Variants in BSND observed in about 807,000 individuals in gnomAD.
The protein encoded by BSND is barttin.
In BSND, 13 loss-of-function variants were observed where a neutral mutation model predicts 18.8. That is an observed-to-expected ratio of 0.69 (90% CI 0.45 to 1.10). BSND has a LOEUF of 1.10. BSND is among the 50% of genes least tolerant of loss of function. The pLI, the probability that BSND is intolerant of heterozygous loss-of-function variation, is 0.00. For synonymous variants in BSND, 170 were observed against 161.8 expected (o/e 1.05, Z -0.39); for missense variants, 379 against 416.7 (o/e 0.91, Z 0.79).
Position 55,008,535 on chromosome 1 carries a change from G to A in BSND, c.870G>A (p.Lys290=), listed in dbSNP as rs887915316. The A allele has an allele frequency of 1.2e-6, 2 of 1,614,096 alleles. No homozygotes were observed. Among genetic ancestry groups the A allele is most frequent in the African/African-American group, 2.7e-5 (2 of 74,928 alleles). ...ASDTGGEEPE[K]EEEDLYYGLP... The stretch of plus-strand genomic sequence containing the variant: ...ACACAGGTGGGGAGGAACCTGAGAA[G>A]GAAGAGGAAGACCTGTACTATGGGC... Residue 290 remains lysine (K), a synonymous_variant, in exon 4 of 4, where the codon AAG becomes AAA. Transcript: ENST00000651561.
Position 55,008,330 on chromosome 1 carries a change from G to C in BSND, c.665G>C (p.Cys222Ser). 6.2e-7 allele frequency: 1 copy of C among 1,614,218 alleles called. No individual in the cohort carries two copies. Among genetic ancestry groups the C allele is most frequent in the Non-Finnish European group, 8.5e-7 (1 of 1,180,032 alleles). The change falls in exon 4 of 4, where the codon TGT becomes TCT. Residue 222 changes from cysteine to serine, a missense_variant. By Grantham distance (112) the Cys-to-Ser change is moderately radical. Coordinates refer to ENST00000651561, the MANE Select transcript of BSND (RefSeq NM_057176.3). ...TCTCCACATGACAGGGAGGAAGCTT[G>C]TTCCCCACAACAGGAACCTCAGGGC... Reference protein sequence around the residue: ...NASPHDREEACSPQQEPQGCR... With the variant: ...NASPHDREEASSPQQEPQGCR...
chr1:55,017,097 C>T lies in BSND; in HGVS notation c.*8469C>T, dbSNP rs1442038067. 1.3e-5 allele frequency among the ~76,000 whole-genome samples: 2 copies of T among 152,182 alleles called. No individual in the cohort carries two copies. The highest frequency in any genetic ancestry group is 2.9e-5 in the Non-Finnish European group (2 of 68,024). On this transcript the variant is annotated 3_prime_UTR_variant, in exon 4 of 4. Transcript: ENST00000651561. The stretch of plus-strand genomic sequence containing the variant: ...CTCTGTGAAGGCAAGGACTCTATTA[C>T]GTTCATTATTGTGCCCTCAGTGCTT...
rs1644448691 is a variant in BSND at position 55,016,025 on chromosome 1, G to C, written c.*7397G>C. ...AGAATAGGAGCGGAGGGTGGCTGGA[G>C]AAGACGTGGGTGAGTGAGTGACTGG... On this transcript the variant is annotated 3_prime_UTR_variant, in exon 4 of 4. Transcript: ENST00000651561. Among the ~76,000 whole-genome samples, 1 of 152,176 alleles carries C rather than the reference G, an allele frequency of 6.6e-6. No homozygotes were observed. The highest frequency in any genetic ancestry group is 1.5e-5 in the Non-Finnish European group (1 of 68,032).
Position 55,016,070 on chromosome 1 carries a change from T to G in BSND, c.*7442T>G, listed in dbSNP as rs573558043. On this transcript the variant is annotated 3_prime_UTR_variant, in exon 4 of 4. Coordinates refer to ENST00000651561, the MANE Select transcript of BSND (RefSeq NM_057176.3). ...GACTGGGGACTGGACCAGGGCGGGC[T>G]GTGGTTGTTGCCCTGGAGCACATGG... Among the ~76,000 whole-genome samples the G allele has an allele frequency of 1.3e-5, 2 of 152,284 alleles. No individual in the cohort carries two copies. Among genetic ancestry groups the G allele is most frequent in the South Asian group, 4.1e-4 (2 of 4,822 alleles).
At chr1:55,006,795 G>C (rs1361400701) in intron 2 of BSND, among the ~76,000 whole-genome samples, 1 of 152,174 alleles carries the variant, frequency 6.6e-6, no homozygotes, top group Non-Finnish European at 1.5e-5. Flanking sequence ...CAGACTTGGG[G>C]TCAGGCCTGA....
rs769271244 is a variant in BSND, at chr1:55,008,413, G to A, written c.748G>A (p.Glu250Lys). 1 of 1,614,222 alleles carries A rather than the reference G, an allele frequency of 6.2e-7. No individual in the cohort carries two copies. The highest frequency in any genetic ancestry group is 1.7e-5 in the Admixed American group (1 of 60,034). ...DFALIDAPTLEDEPQEGQQWE... is the reference protein window; with the variant it reads ...DFALIDAPTLKDEPQEGQQWE... ...TGCCCTGATTGATGCCCCAACGTTG[G>A]AGGATGAGCCCCAAGAGGGGCAGCA... The change falls in exon 4 of 4, where the codon GAG becomes AAG. Residue 250 changes from glutamate (E) to lysine (K), a missense_variant. Physicochemically the swap from Glu to Lys is moderately conservative, Grantham distance 56. Coordinates refer to ENST00000651561, the MANE Select transcript of BSND (RefSeq NM_057176.3).
chr1:55,008,206 C>A lies in BSND; in HGVS notation c.549-8C>A. ...ATACCCTTGCCCTTGTGGTCTTTGTCCCTGCAGCCCCCTGGCCTGTCCCCA... is the reference window on the plus strand; with the variant it reads ...ATACCCTTGCCCTTGTGGTCTTTGTACCTGCAGCCCCCTGGCCTGTCCCCA... On this transcript the variant is annotated splice_region_variant and splice_polypyrimidine_tract_variant and intron_variant, in intron 3 of 3. Transcript: ENST00000651561. 1.2e-6 allele frequency: 2 copies of A among 1,613,328 alleles called. No homozygotes were observed. Among genetic ancestry groups the A allele is most frequent in the Non-Finnish European group, 1.7e-6 (2 of 1,179,410 alleles).
chr1:55,015,372 G>C lies in BSND; in HGVS notation c.*6744G>C, dbSNP rs1184461148. Among the ~76,000 whole-genome samples, 3 of 152,170 alleles carry C rather than the reference G, an allele frequency of 2.0e-5. No homozygotes were observed. The highest frequency in any genetic ancestry group is 7.2e-5 in the African/African-American group (3 of 41,460). ...CCTGTGGCAGAGGCTGTTGCTTCCC[G>C]CCAAGACACCAGGGCCCTGGCCAAG... On this transcript the variant is annotated 3_prime_UTR_variant, in exon 4 of 4. Transcript: ENST00000651561.
In BSND at chr1:55,008,892, G is replaced by A. The variant is rs1371545063; in HGVS notation, c.*264G>A. The A allele has an allele frequency of 1.1e-5, 6 of 549,642 alleles. No individual in the cohort carries two copies. In the Admixed American group the frequency reaches 1.2e-4, roughly 11 times the overall value. The allele number at this position is 549,642 out of a possible 1,614,324, so 34.0% of individuals were successfully genotyped here. A position where few individuals can be genotyped will look rare whatever the true frequency, so the allele number is the denominator to read the frequency against. On this transcript the variant is annotated 3_prime_UTR_variant, in exon 4 of 4. Coordinates refer to ENST00000651561, the MANE Select transcript of BSND (RefSeq NM_057176.3). ...TTTGCAGCAGCTGAAGCCCTCAAAAGCATTTTCCACCTTCCCCCAAAGCTG... is the reference window on the plus strand; with the variant it reads ...TTTGCAGCAGCTGAAGCCCTCAAAAACATTTTCCACCTTCCCCCAAAGCTG...
At position 55,013,535 on chromosome 1, in the gene BSND, T is replaced by C. The variant is rs1221897123; in HGVS notation, c.*4907T>C. Among the ~76,000 whole-genome samples the C allele has an allele frequency of 6.6e-6, 1 of 152,086 alleles. No homozygotes were observed. The highest frequency in any genetic ancestry group is 2.4e-5 in the African/African-American group (1 of 41,370). ...TTTGCCCATCCTTGCGGAGAAGAGC[T>C]AAATGGAGGAGAGGAGGTAGAGCTG... On this transcript the variant is annotated 3_prime_UTR_variant, in exon 4 of 4. Coordinates refer to ENST00000651561, the MANE Select transcript of BSND (RefSeq NM_057176.3).
In BSND at chr1:55,010,841, G is replaced by A. The variant is rs963405625; in HGVS notation, c.*2213G>A. On this transcript the variant is annotated 3_prime_UTR_variant, in exon 4 of 4. Transcript: ENST00000651561. Reference sequence around the variant, plus strand: ...GCCTACAACCCACGTTAGAAACAGCGTCAGCACTAAGGGCTAAAATAAAAC... The same window carrying A: ...GCCTACAACCCACGTTAGAAACAGCATCAGCACTAAGGGCTAAAATAAAAC... The A allele has an allele frequency of 2.0e-5, 3 of 152,214 alleles. No homozygotes were observed. Among genetic ancestry groups the A allele is most frequent in the Admixed American group, 6.5e-5 (1 of 15,280 alleles). 9.4% of individuals were successfully genotyped at this position (152,214 alleles called of 1,614,324 possible).
Position 55,008,208 on chromosome 1 carries a change from C to T in BSND, c.549-6C>T, listed in dbSNP as rs1644401266. The T allele has an allele frequency of 6.2e-7, 1 of 1,613,704 alleles. No individual in the cohort carries two copies. Among genetic ancestry groups the T allele is most frequent in the Non-Finnish European group, 8.5e-7 (1 of 1,179,724 alleles). On this transcript the variant is annotated splice_region_variant and splice_polypyrimidine_tract_variant and intron_variant, in intron 3 of 3. Coordinates refer to ENST00000651561, the MANE Select transcript of BSND (RefSeq NM_057176.3). ...ACCCTTGCCCTTGTGGTCTTTGTCC[C>T]TGCAGCCCCCTGGCCTGTCCCCAGG...
In BSND at chr1:55,015,292, G is replaced by A. The variant is rs928708395; in HGVS notation, c.*6664G>A. 1.3e-5 allele frequency among the ~76,000 whole-genome samples: 2 copies of A among 152,174 alleles called. No homozygotes were observed. Among genetic ancestry groups the A allele is most frequent in the African/African-American group, 2.4e-5 (1 of 41,442 alleles). Reference sequence around the variant, plus strand: ...GGTCAGGACTGAAGCTTGCAGAGCCGGTGTCCTGGATTCCTCCTTGCTGAC... The same window carrying A: ...GGTCAGGACTGAAGCTTGCAGAGCCAGTGTCCTGGATTCCTCCTTGCTGAC... On this transcript the variant is annotated 3_prime_UTR_variant, in exon 4 of 4. Coordinates refer to ENST00000651561, the MANE Select transcript of BSND (RefSeq NM_057176.3).
rs115827305 is a variant in BSND, at chr1:55,003,828, G to A, written c.178-1194G>A. Among the ~76,000 whole-genome samples the A allele has an allele frequency of 9.5e-3, 1,419 of 150,038 alleles. 27 individuals carry two copies. The highest frequency in any genetic ancestry group is 0.034 in the African/African-American group (1,350 of 39,430). On this transcript the variant is annotated intron_variant, in intron 1 of 3. Coordinates refer to ENST00000651561, the MANE Select transcript of BSND (RefSeq NM_057176.3). The stretch of plus-strand genomic sequence containing the variant: ...TTCACAGCAACCTCAGGAGACTGGC[G>A]TAACTAGCCCCATTTTAAAACTCAT...
rs1252059727 is a variant in BSND, at chr1:55,008,612, C to T, written c.947C>T (p.Pro316Leu). 2.5e-6 allele frequency: 4 copies of T among 1,614,016 alleles called. No homozygotes were observed. Among genetic ancestry groups the T allele is most frequent in the Non-Finnish European group, 3.4e-6 (4 of 1,180,042 alleles). ...LLPDKELGFE[P>L]DTQG ...CCGGACAAGGAGCTGGGTTTTGAGC[C>T]TGACACCCAAGGCTGAGATGTTTGT... The change falls in exon 4 of 4, where the codon CCT (proline) becomes CTT (leucine). Residue 316 changes from proline to leucine, a missense_variant. Coordinates refer to ENST00000651561, the MANE Select transcript of BSND (RefSeq NM_057176.3).
rs1232362585 is a variant in BSND, at chr1:55,016,417, T to C, written c.*7789T>C. Among the ~76,000 whole-genome samples the C allele has an allele frequency of 6.6e-6, 1 of 152,246 alleles. No individual in the cohort carries two copies. Among genetic ancestry groups the C allele is most frequent in the African/African-American group, 2.4e-5 (1 of 41,468 alleles). ...CACTGGCATCATTTTGTAAAGATGA[T>C]GTAATAAAGATAATAATAGGTGGAG... On this transcript the variant is annotated 3_prime_UTR_variant, in exon 4 of 4. Coordinates refer to ENST00000651561, the MANE Select transcript of BSND (RefSeq NM_057176.3).
intron 1 of BSND, among the ~76,000 whole-genome samples, chr1:55,000,409 CCTCT>C (rs970539661): frequency 1.5e-4 from 22 of 151,608 alleles, no homozygotes; most frequent in African/African-American, 5.3e-4. Context: ...AAGCCCCTTT[CCTCT>C]CTGAGCCTCA....
Position 55,013,469 on chromosome 1 carries a change from A to C in BSND, c.*4841A>C, listed in dbSNP as rs1365795157. ...TGAGTCACTGCACCCAGCTGTCCCC[A>C]TTTTATAGATGAGGAACTGAGGCTC... On this transcript the variant is annotated 3_prime_UTR_variant, in exon 4 of 4. Transcript: ENST00000651561. Among the ~76,000 whole-genome samples, 1 of 152,064 alleles carries C rather than the reference A, an allele frequency of 6.6e-6. No individual in the cohort carries two copies. Among genetic ancestry groups the C allele is most frequent in the Non-Finnish European group, 1.5e-5 (1 of 67,994 alleles).
rs1228684057 is a variant in BSND, at chr1:55,010,847, A to G, written c.*2219A>G. The stretch of plus-strand genomic sequence containing the variant: ...AACCCACGTTAGAAACAGCGTCAGC[A>G]CTAAGGGCTAAAATAAAACTACTTT... On this transcript the variant is annotated 3_prime_UTR_variant, in exon 4 of 4. Transcript: ENST00000651561. 1 of 152,242 alleles carries G rather than the reference A, an allele frequency of 6.6e-6. No homozygotes were observed. Among genetic ancestry groups the G allele is most frequent in the Non-Finnish European group, 1.5e-5 (1 of 68,054 alleles). The allele number at this position is 152,242 out of a possible 1,614,324, so 9.4% of individuals were successfully genotyped here.
Sources: gnomAD v4.1 joint callset for allele counts (sites outside exome capture counted in the v4.1 genomes callset) on GRCh38, gnomAD v4.1.1 for gene constraint, MANE v1.5 for transcripts, NCBI Gene and HGNC (gene_info 2026-07-23, HGNC 2026-07-21) for gene names.